Variants in HEG1 observed in about 807,000 individuals in gnomAD.
HEG1 encodes heart development protein with EGF like domains 1.
In HEG1, 56 loss-of-function variants were observed where a neutral mutation model predicts 125.6. That is an observed-to-expected ratio of 0.45 (90% CI 0.36 to 0.56). The LOEUF is 0.56. Ranked by LOEUF, HEG1 falls within the 20% of genes least tolerant of loss-of-function variation. HEG1 has a pLI of 0.00. For missense variants in HEG1, 1,523 were observed against 1,670.0 expected, an observed-to-expected ratio of 0.91 and a Z score of 1.53; for synonymous variants, 644 against 668.5, an observed-to-expected ratio of 0.96 and a Z score of 0.57.
intron 14 of HEG1, among the ~76,000 whole-genome samples, chr3:124,980,470 G>GGTGTA (rs1936628241): frequency 2.0e-5 from 3 of 152,154 alleles, no homozygotes; most frequent in Admixed American, 2.0e-4. Context: ...AGACACAGAT[G>GGTGTA]GTGTACACCA....
At chr3:125,010,614 T>C in intron 6 of HEG1, 59 bp from the exon 7 acceptor site, 1 of 999,180 alleles carries the variant, frequency 1.0e-6, no homozygotes, top group Non-Finnish European at 1.5e-6. Context: ...AAGGCAGCTT[T>C]AGGTAAATAT....
chr3:124,978,234 G>A (rs1329664992), intron 14 of HEG1, among the ~76,000 whole-genome samples: 2 of 152,112 alleles, frequency 1.3e-5, no homozygotes, highest in African/African-American at 2.4e-5. Flanking sequence ...TGCAACCTCC[G>A]CCTCCTGGGT....
Position 125,005,332 on chromosome 3 carries a change from G to T in HEG1, c.3230C>A (p.Thr1077Asn), listed in dbSNP as rs761592205. The T allele has an allele frequency of 1.1e-5, 17 of 1,590,628 alleles. No individual in the cohort carries two copies. The South Asian group carries it at 1.4e-4, about 13-fold the overall frequency. Residue 1077 changes from threonine (T) to asparagine (N), a missense_variant, in exon 9 of 17, where the codon ACT becomes AAT. Thr to Asn is a moderately conservative substitution (Grantham distance 65). Transcript: ENST00000311127. The part of the protein sequence containing the change: ...TFVTEFKLKR[T>N]FLNTTVEKHS... The stretch of plus-strand genomic sequence containing the variant: ...TTTTTCCACAGTTGTATTAAGAAAA[G>T]TTCTCTTTAATTTAAACTCTGTCAC...
intron 12 of HEG1, among the ~76,000 whole-genome samples, chr3:124,992,468 G>A (rs1257303740): frequency 2.6e-5 from 4 of 152,198 alleles, no homozygotes; most frequent in African/African-American, 7.2e-5. Flanking sequence ...GTTAATGTAC[G>A]AGATACATTG....
intron 16 of HEG1, among the ~76,000 whole-genome samples, chr3:124,972,437 T>C (rs1016576852): frequency 1.7e-4 from 26 of 152,346 alleles, no homozygotes; most frequent in African/African-American, 6.0e-4. Flanking sequence ...GTTTTTTTCC[T>C]TATTTATAAC....
chr3:124,971,249 T>G (rs1203239701), intron 16 of HEG1: 2 of 445,168 alleles, frequency 4.5e-6, no homozygotes, highest in South Asian at 3.2e-5. Context: ...GTATCATAAA[T>G]AAGTTGCAGG....
intron 3 of HEG1, among the ~76,000 whole-genome samples, chr3:125,022,495 C>G (rs1937349854): frequency 6.6e-6 from 1 of 151,764 alleles, no homozygotes; most frequent in Non-Finnish European, 1.5e-5. Flanking sequence ...ATCCAGAACA[C>G]AGCCGGCAGC....
rs1270475008 is a variant in HEG1, at chr3:125,019,361, C to T, written c.1489G>A (p.Gly497Arg). Residue 497 changes from glycine (G) to arginine (R), a missense_variant, in exon 5 of 17, where the codon GGA becomes AGA. Physicochemically the swap from Gly to Arg is moderately radical, Grantham distance 125. Transcript: ENST00000311127. Reference sequence around the variant, plus strand: ...CTATCTCCCAATGCTGTGTGACTTCCTCCAGACTGTACAGTAGAGTCTGAG... The same window carrying T: ...CTATCTCCCAATGCTGTGTGACTTCTTCCAGACTGTACAGTAGAGTCTGAG... ...QFSDSTVQSG[G>R]SHTALGDRSY... 1.2e-6 allele frequency: 2 copies of T among 1,613,968 alleles called. No individual in the cohort carries two copies. Among genetic ancestry groups the T allele is most frequent in the Admixed American group, 3.3e-5 (2 of 60,026 alleles).
Position 124,966,873 on chromosome 3 carries a change from GTGACCCAAAGGTGCC to G in HEG1, c.*3764_*3778del, listed in dbSNP as rs1486826152. The G allele has an allele frequency of 6.6e-6, 1 of 152,228 alleles. No homozygotes were observed. The highest frequency in any genetic ancestry group is 2.4e-5 in the African/African-American group (1 of 41,452). 9.4% of individuals were successfully genotyped at this position (152,228 alleles called of 1,614,324 possible). A position where few individuals can be genotyped will look rare whatever the true frequency, so the allele number is the denominator to read the frequency against. ...GGCACCAAAAAGCCACACGTGGTGG[GTGACCCAAAGGTGCC>G]TGCTCTGGGAACTTTCACATCTGAA... On this transcript the variant is annotated 3_prime_UTR_variant, in exon 17 of 17. Transcript: ENST00000311127.
intron 2 of HEG1, among the ~76,000 whole-genome samples, chr3:125,028,041 T>C (rs1937443285): frequency 6.6e-6 from 1 of 151,446 alleles, no homozygotes; most frequent in Non-Finnish European, 1.5e-5. Context: ...GCTTCATCCT[T>C]TACTTTCAGG....
chr3:125,014,158 G>A (rs1225368142), intron 5 of HEG1, among the ~76,000 whole-genome samples, 168 bp from the exon 6 acceptor site: 2 of 152,186 alleles, frequency 1.3e-5, no homozygotes, highest in Non-Finnish European at 2.9e-5. Flanking sequence ...TAAAGACATT[G>A]TGGGCAGGCA....
chr3:125,029,526 G>A (rs1937467482), intron 1 of HEG1, 38 bp from the exon 2 acceptor site: 1 of 1,561,936 alleles, frequency 6.4e-7, no homozygotes, highest in Admixed American at 1.8e-5. Context: ...AGAGTTTGCT[G>A]GCTTCTGACA....
chr3:124,974,982 C>T (rs3821542), intron 15 of HEG1, among the ~76,000 whole-genome samples: 53,663 of 152,032 alleles, frequency 0.35, 10,372 homozygotes, highest in African/African-American at 0.51. Context: ...ATGGGTACAC[C>T]ACACAGTACA....
chr3:125,002,947 G>A (rs6796048), intron 9 of HEG1, among the ~76,000 whole-genome samples: 46,287 of 152,024 alleles, frequency 0.3, 7,960 homozygotes, highest in African/African-American at 0.47. Context: ...CACAATAGGA[G>A]CTATCGAGAC....
intron 2 of HEG1, among the ~76,000 whole-genome samples, chr3:125,028,913 T>C (rs763793924): frequency 1.3e-5 from 2 of 152,200 alleles, no homozygotes; most frequent in African/African-American, 2.4e-5. Context: ...CTACTGCCTC[T>C]GAGACCCTCG....
chr3:125,014,856 G>T lies in HEG1; in HGVS notation c.1589-866C>A, dbSNP rs1290433057. ...TTCCCCAGAAGTCGTGCTCATGCTG[G>T]TGTTGGTGAGGGTGACAGACCGCAG... On this transcript the variant is annotated intron_variant, in intron 5 of 16. Transcript: ENST00000311127. 4 of 1,289,880 alleles carry T rather than the reference G, an allele frequency of 3.1e-6. 1 individual carries two copies. The South Asian group carries it at 4.9e-5, about 16-fold the overall frequency. 79.9% of individuals were successfully genotyped at this position (1,289,880 alleles called of 1,614,324 possible). A position where few individuals can be genotyped will look rare whatever the true frequency, so the allele number is the denominator to read the frequency against.
intron 1 of HEG1, among the ~76,000 whole-genome samples, chr3:125,035,578 G>A (rs1442613509): frequency 6.6e-6 from 1 of 152,046 alleles, no homozygotes; most frequent in Non-Finnish European, 1.5e-5. Context: ...AACATCTTCA[G>A]ACTATCAAAT....
chr3:124,993,163 A>C (rs547180286), intron 12 of HEG1, among the ~76,000 whole-genome samples: 5 of 152,310 alleles, frequency 3.3e-5, no homozygotes, highest in Admixed American at 6.5e-5. Context: ...CTCAGCACTT[A>C]AGTGAGGGGC....
chr3:125,055,933 CGA>C lies in HEG1; in HGVS notation c.-45_-44del. On this transcript the variant is annotated 5_prime_UTR_variant, in exon 1 of 17. Coordinates refer to ENST00000311127, the MANE Select transcript of HEG1 (RefSeq NM_020733.2). ...GCGCTCACATGCCCGGCGCGCGGGG[CGA>C]GGGCAGCGGGCAGCGGGCAGCGGGC... is the stretch of plus-strand genomic sequence containing the variant. The C allele has an allele frequency of 1.8e-6, 1 of 546,976 alleles. No individual in the cohort carries two copies. 33.9% of individuals were successfully genotyped at this position (546,976 alleles called of 1,614,324 possible). A position where few individuals can be genotyped will look rare whatever the true frequency, so the allele number is the denominator to read the frequency against.
Sources: gnomAD v4.1 joint callset for allele counts (sites outside exome capture counted in the v4.1 genomes callset) on GRCh38, gnomAD v4.1.1 for gene constraint, MANE v1.5 for transcripts, NCBI Gene and HGNC (gene_info 2026-07-23, HGNC 2026-07-21) for gene names.